The following ZNF503 variants were observed in gnomAD, a reference collection of about 807,000 sequenced individuals.
ZNF503 encodes the protein zinc finger protein 503.
ZNF503 carries 15 observed loss-of-function variants against 34.4 expected under a neutral mutation model. That is an observed-to-expected ratio of 0.44 (90% CI 0.29 to 0.67). The LOEUF (loss-of-function observed/expected upper bound fraction) is 0.67. ZNF503 is among the 30% of genes least tolerant of loss of function. The pLI is 0.13. For synonymous variants in ZNF503, 580 were observed against 456.8 expected, an observed-to-expected ratio of 1.27 and a Z score of -3.44; for missense variants, 1,007 against 926.8, an observed-to-expected ratio of 1.09 and a Z score of -1.12.
chr10:75,292,243 T>C, the ZNF503 span, among the ~76,000 whole-genome samples: 1 of 152,248 alleles, frequency 6.6e-6, no homozygotes, highest in East Asian at 1.9e-4. Context: ...ATCATGTATT[T>C]ATTTTAGGTG....
Position 75,399,725 on chromosome 10 carries a change from C to T in ZNF503, c.965G>A (p.Gly322Asp), listed in dbSNP as rs1235523942. The T allele has an allele frequency of 6.3e-7, 1 of 1,595,468 alleles. No individual in the cohort carries two copies. Among genetic ancestry groups the T allele is most frequent in the South Asian group, 1.1e-5 (1 of 90,066 alleles). Residue 322 changes from glycine to aspartate, a missense_variant, in exon 2 of 2, where the codon GGC (glycine) becomes GAC (aspartate). Transcript: ENST00000372524. ...GGSSGSSSGSGPSAPTSSSVL... is the reference protein window; with the variant it reads ...GGSSGSSSGSDPSAPTSSSVL... ...TGAGGAGGAGGTGGGCGCGCTGGGG[C>T]CGGAGCCGGAGCTGGAGCCCGATGA...
At chr10:75,364,953 G>T in the ZNF503 span, among the ~76,000 whole-genome samples, 1 of 152,212 alleles carries the variant, frequency 6.6e-6, no homozygotes, top group Non-Finnish European at 1.5e-5. Context: ...ACCATAAAAG[G>T]TTATTAAGGG....
chr10:75,336,145 A>T, the ZNF503 span, among the ~76,000 whole-genome samples: 2 of 151,494 alleles, frequency 1.3e-5, no homozygotes, highest in African/African-American at 4.9e-5. Context: ...GAATATCTCT[A>T]CTCCTTCCTG....
At position 75,399,222 on chromosome 10, in the gene ZNF503, C is replaced by T. The variant is rs1418558981; in HGVS notation, c.1468G>A (p.Ala490Thr). The change falls in exon 2 of 2, where the codon GCC becomes ACC. Residue 490 changes from alanine (A) to threonine (T), a missense_variant. Coordinates refer to ENST00000372524, the MANE Select transcript of ZNF503 (RefSeq NM_032772.6). ...TGGCCGGCCAGGGAGGGCGGTGTGG[C>T]GCCAGCAGCCGCGGCGGCCGTTAGC... ...SSLTAAAAAG[A>T]TPPSLAGHPL... is the part of the protein sequence containing the mutation. The T allele has an allele frequency of 2.5e-6, 4 of 1,590,064 alleles. No homozygotes were observed. Among genetic ancestry groups the T allele is most frequent in the Non-Finnish European group, 3.4e-6 (4 of 1,167,418 alleles).
chr10:75,372,078 C>T, the ZNF503 span, among the ~76,000 whole-genome samples: 10 of 152,058 alleles, frequency 6.6e-5, no homozygotes, highest in African/African-American at 2.2e-4. Flanking sequence ...TTACAGGTGC[C>T]CGCTACCACT....
At chr10:75,363,228 C>T in the ZNF503 span, among the ~76,000 whole-genome samples, 1 of 152,186 alleles carries the variant, frequency 6.6e-6, no homozygotes, top group Non-Finnish European at 1.5e-5. Flanking sequence ...AGCCCCCAGC[C>T]CGGGAGACAG....
rs139680759 is a variant in ZNF503, at chr10:75,400,327, C to A, written c.363G>T (p.Ser121=). 2 of 1,612,228 alleles carry A rather than the reference C, an allele frequency of 1.2e-6. No homozygotes were observed. The highest frequency in any genetic ancestry group is 1.7e-6 in the Non-Finnish European group (2 of 1,179,118). ...SPLALLAQTC[S]QIGKPDPSPS... Reference sequence around the variant, plus strand: ...GCGAGGGGTCGGGCTTCCCGATCTGCGAACATGTTTGCGCCAACAGCGCCA... The same window carrying A: ...GCGAGGGGTCGGGCTTCCCGATCTGAGAACATGTTTGCGCCAACAGCGCCA... Residue 121 remains serine (S), a synonymous_variant, in exon 2 of 2, where the codon TCG becomes TCT. Coordinates refer to ENST00000372524, the MANE Select transcript of ZNF503 (RefSeq NM_032772.6).
the ZNF503 span, among the ~76,000 whole-genome samples, chr10:75,324,674 T>G: frequency 5.8e-4 from 88 of 152,298 alleles, no homozygotes; most frequent in African/African-American, 2.0e-3. Context: ...TTTGTTTTAT[T>G]GAGATATAAT....
At chr10:75,386,344 C>G in the ZNF503 span, among the ~76,000 whole-genome samples, 3 of 152,326 alleles carry the variant, frequency 2.0e-5, no homozygotes, top group South Asian at 2.1e-4. Context: ...CATCATGAAG[C>G]AGAGTAGCCA....
chr10:75,305,350 A>G, the ZNF503 span, among the ~76,000 whole-genome samples: 1 of 152,082 alleles, frequency 6.6e-6, no homozygotes, highest in South Asian at 2.1e-4. Flanking sequence ...TCACTAAAAA[A>G]TGTCTTTATA....
At chr10:75,396,952 T>A (rs1380322891), downstream of ZNF503, among the ~76,000 whole-genome samples, 4 of 152,188 alleles carry the variant, frequency 2.6e-5, no homozygotes. This position sits in a 1 kb window ranked among gnomAD's most constrained non-coding sequence, Gnocchi z 4.4. Context: ...CACAGGGAGC[T>A]GCGCCCGGAC....
At chr10:75,378,215 C>G in the ZNF503 span, among the ~76,000 whole-genome samples, 219 of 152,192 alleles carry the variant, frequency 1.4e-3, 1 homozygote, top group African/African-American at 4.9e-3. Flanking sequence ...GGACACAGAT[C>G]CAAACCATAT....
chr10:75,339,217 C>T, the ZNF503 span, among the ~76,000 whole-genome samples: 96 of 152,118 alleles, frequency 6.3e-4, no homozygotes, highest in African/African-American at 2.3e-3. Context: ...GGTGACAGAG[C>T]GAGACTCCGT....
At chr10:75,394,137 C>T (rs572651700), downstream of ZNF503, among the ~76,000 whole-genome samples, 1 of 152,332 alleles carries the variant, frequency 6.6e-6, no homozygotes, top group East Asian at 1.9e-4. Flanking sequence ...GTCTCCTCAT[C>T]TGAAAAACGA....
At chr10:75,367,823 A>G in the ZNF503 span, among the ~76,000 whole-genome samples, 1 of 152,234 alleles carries the variant, frequency 6.6e-6, no homozygotes, top group Non-Finnish European at 1.5e-5. Flanking sequence ...ACAGGACAGT[A>G]TCTAACCTAC....
chr10:75,343,567 C>A, the ZNF503 span, among the ~76,000 whole-genome samples: 1 of 152,212 alleles, frequency 6.6e-6, no homozygotes, highest in Admixed American at 6.5e-5. Flanking sequence ...CTGTACATTT[C>A]ATTTCTCTTC....
downstream of ZNF503, among the ~76,000 whole-genome samples, chr10:75,396,242 A>G (rs1027160058): frequency 2.0e-5 from 3 of 152,154 alleles, no homozygotes; most frequent in Non-Finnish European, 4.4e-5. The surrounding 1 kb of genome is among the most constrained non-coding windows in gnomAD (Gnocchi z 4.4). Context: ...CGGCGGGACC[A>G]GAGTGGGACC....
chr10:75,347,139 T>C, the ZNF503 span, among the ~76,000 whole-genome samples: 3 of 152,254 alleles, frequency 2.0e-5, no homozygotes, highest in African/African-American at 4.8e-5. Flanking sequence ...GAGCAGGGAA[T>C]GGCATGTAGT....
At chr10:75,340,783 A>C in the ZNF503 span, among the ~76,000 whole-genome samples, 2 of 152,012 alleles carry the variant, frequency 1.3e-5, no homozygotes, top group Admixed American at 1.3e-4. Flanking sequence ...TTGTATTTTT[A>C]GTAGAGATGT....
Sources: allele counts gnomAD v4.1 joint callset (sites outside exome capture counted in the v4.1 genomes callset), GRCh38; gene constraint gnomAD v4.1.1; non-coding constraint Gnocchi (gnomAD v3.1); transcripts MANE v1.5; gene names NCBI Gene and HGNC (gene_info 2026-07-23, HGNC 2026-07-21).